The following GSK3B variants were observed in gnomAD, a reference collection of about 807,000 sequenced individuals.
GSK3B encodes glycogen synthase kinase 3 beta.
In GSK3B, 15 loss-of-function variants were observed where a neutral mutation model predicts 56.4. That is an observed-to-expected ratio of 0.27 (90% confidence interval 0.18 to 0.41). GSK3B has a LOEUF of 0.41. GSK3B is among the 10% of genes least tolerant of loss of function. GSK3B has a pLI of 1.00. For missense variants in GSK3B, 300 were observed against 513.4 expected (o/e 0.58, Z 4.02); for synonymous variants, 181 against 188.9 (o/e 0.96, Z 0.34).
chr3:120,024,317 T>C (rs113959351), intron 1 of GSK3B, among the ~76,000 whole-genome samples: 3,944 of 152,060 alleles, frequency 0.026, 174 homozygotes, highest in African/African-American at 0.089. Context: ...GCCACTACTG[T>C]ACTCCAGCCT....
chr3:119,875,701 C>T (rs1461680125), intron 8 of GSK3B, among the ~76,000 whole-genome samples: 7 of 151,668 alleles, frequency 4.6e-5, no homozygotes, highest in Admixed American at 1.3e-4. Context: ...TTTTTCTGTT[C>T]ATACTTAATC....
At chr3:120,041,341 C>T in intron 1 of GSK3B, 2 of 311,478 alleles carry the variant, frequency 6.4e-6, no homozygotes, top group Non-Finnish European at 1.3e-5. Flanking sequence ...TGTAGTTGGG[C>T]CAGTGCTGGA....
chr3:120,024,597 T>C (rs971106380), intron 1 of GSK3B, among the ~76,000 whole-genome samples: 1 of 152,154 alleles, frequency 6.6e-6, no homozygotes, highest in Admixed American at 6.5e-5. Context: ...TAAGTATTTA[T>C]CAAAACAACA....
chr3:119,877,174 A>G (rs989874858), intron 7 of GSK3B, among the ~76,000 whole-genome samples: 1 of 152,160 alleles, frequency 6.6e-6, no homozygotes, highest in Non-Finnish European at 1.5e-5. Flanking sequence ...TAAAAATCAG[A>G]TATCTTTATC....
chr3:119,845,483 CA>C (rs2055842458), intron 9 of GSK3B, among the ~76,000 whole-genome samples: 1 of 152,194 alleles, frequency 6.6e-6, no homozygotes, highest in South Asian at 2.1e-4. Context: ...GATACAAAAT[CA>C]ATCTCAAAAA....
chr3:119,865,454 ATATATATATATATTTTT>A (rs1273514740), intron 8 of GSK3B, among the ~76,000 whole-genome samples: 1 of 18,974 alleles, frequency 5.3e-5, no homozygotes, highest in Non-Finnish European at 1.4e-4. Context: ...ATATATATAT[ATATATATATATATTTTT>A]TTTTTTTTTT....
intron 8 of GSK3B, among the ~76,000 whole-genome samples, chr3:119,873,690 C>A (rs2056274755): frequency 6.6e-6 from 1 of 152,028 alleles, no homozygotes; most frequent in African/African-American, 2.4e-5. Context: ...TTTAAAAAAA[C>A]CAACACAAGC....
At chr3:120,089,396 C>A (rs188692167) in intron 1 of GSK3B, among the ~76,000 whole-genome samples, 62 of 152,244 alleles carry the variant, frequency 4.1e-4, no homozygotes, top group Admixed American at 3.7e-3. Context: ...GAACTCTTTT[C>A]CACATTAACA....
chr3:120,000,520 C>G (rs2057665313), intron 2 of GSK3B, among the ~76,000 whole-genome samples: 1 of 152,124 alleles, frequency 6.6e-6, no homozygotes, highest in Non-Finnish European at 1.5e-5. Context: ...GAACAGTGAT[C>G]ACTTCTTCTT....
Position 119,826,701 on chromosome 3 carries a change from A to T in GSK3B, c.*87T>A. On this transcript the variant is annotated 3_prime_UTR_variant, in exon 11 of 11. Transcript: ENST00000264235. Reference sequence around the variant, plus strand: ...ATGAACAGGATTTTTTTCTCTTTTTAATATTCTTTCCAAACGTGACCAGTG... The same window carrying T: ...ATGAACAGGATTTTTTTCTCTTTTTTATATTCTTTCCAAACGTGACCAGTG... 1 of 851,344 alleles carries T rather than the reference A, an allele frequency of 1.2e-6. No individual in the cohort carries two copies. Among genetic ancestry groups the T allele is most frequent in the Non-Finnish European group, 2.1e-6 (1 of 486,586 alleles). 52.7% of individuals were successfully genotyped at this position (851,344 alleles called of 1,614,324 possible).
At chr3:119,899,223 T>G (rs1266698709) in intron 7 of GSK3B, among the ~76,000 whole-genome samples, 1 of 152,104 alleles carries the variant, frequency 6.6e-6, no homozygotes, top group Non-Finnish European at 1.5e-5. Context: ...CAGCATGAGA[T>G]TTCAGCATAC....
At chr3:120,047,209 G>A (rs2058111070) in intron 1 of GSK3B, among the ~76,000 whole-genome samples, 1 of 152,138 alleles carries the variant, frequency 6.6e-6, no homozygotes, top group African/African-American at 2.4e-5. Flanking sequence ...GATAAGTAAT[G>A]TATTTCCTAT....
chr3:120,028,847 A>ACGGCTG (rs1433468131), intron 1 of GSK3B: 2 of 431,490 alleles, frequency 4.6e-6, no homozygotes, highest in East Asian at 5.3e-5. Context: ...TAGCCCCGCC[A>ACGGCTG]CGGCTGCTCA....
At chr3:119,951,997 A>G (rs1422713604) in intron 2 of GSK3B, among the ~76,000 whole-genome samples, 1 of 152,058 alleles carries the variant, frequency 6.6e-6, no homozygotes, top group African/African-American at 2.4e-5. Flanking sequence ...GAGATTGTCC[A>G]AAAGAAAGAA....
intron 1 of GSK3B, among the ~76,000 whole-genome samples, chr3:120,078,018 T>C (rs1026172565): frequency 6.6e-6 from 1 of 152,036 alleles, no homozygotes; most frequent in Non-Finnish European, 1.5e-5. Context: ...GGAATGAGAG[T>C]GCTTGGCACA....
Position 119,949,943 on chromosome 3 carries a change from C to A in GSK3B, c.283-2592G>T, listed in dbSNP as rs530041518. ...AAGTTTGAAATCCTTATACGACATTCATGTGAGGTCAGGGTAGAAGCTAAG... is the reference window on the plus strand; with the variant it reads ...AAGTTTGAAATCCTTATACGACATTAATGTGAGGTCAGGGTAGAAGCTAAG... On this transcript the variant is annotated intron_variant, in intron 2 of 10. Coordinates refer to ENST00000264235, the MANE Select transcript of GSK3B (RefSeq NM_001146156.2). Among the ~76,000 whole-genome samples, 79 of 151,578 alleles carry A rather than the reference C, an allele frequency of 5.2e-4. No homozygotes were observed. In the South Asian group the frequency reaches 0.011, roughly 22 times the overall value.
At chr3:119,925,831 C>T (rs1360697933) in intron 3 of GSK3B, among the ~76,000 whole-genome samples, 2 of 152,154 alleles carry the variant, frequency 1.3e-5, no homozygotes, top group East Asian at 1.9e-4. Flanking sequence ...ATTTCACTAC[C>T]ACTATGCCAA....
At chr3:120,092,473 G>A (rs1054997118) in intron 1 of GSK3B, among the ~76,000 whole-genome samples, 1 of 152,208 alleles carries the variant, frequency 6.6e-6, no homozygotes, top group African/African-American at 2.4e-5. Flanking sequence ...GGTAATGAAT[G>A]CAGTAGCACT....
At chr3:120,024,687 G>A (rs1312778122) in intron 1 of GSK3B, among the ~76,000 whole-genome samples, 5 of 152,102 alleles carry the variant, frequency 3.3e-5, no homozygotes. Flanking sequence ...GAAGTAAGAG[G>A]TACAAAAGAG....
Sources: gnomAD v4.1 joint callset for allele counts (sites outside exome capture counted in the v4.1 genomes callset) on GRCh38, gnomAD v4.1.1 for gene constraint, MANE v1.5 for transcripts, NCBI Gene and HGNC (gene_info 2026-07-23, HGNC 2026-07-21) for gene names.